PCDHGA8: variants seen among roughly 807,000 people sequenced by gnomAD.
The protein encoded by PCDHGA8 is protocadherin gamma subfamily A, 8.
PCDHGA8 carries 45 observed loss-of-function variants against 59.2 expected under a neutral mutation model. That is an observed-to-expected ratio of 0.76 (90% confidence interval 0.60 to 0.98). PCDHGA8 has a LOEUF of 0.98. PCDHGA8 is among the 50% of genes least tolerant of loss of function. PCDHGA8 has a pLI of 0.00. For missense variants in PCDHGA8, 1,257 were observed against 1,196.2 expected (o/e 1.05, Z -0.75); for synonymous variants, 531 against 519.0 (o/e 1.02, Z -0.32).
chr5:141,420,840 T>A (rs2096528017), intron 1 of PCDHGA8, among the ~76,000 whole-genome samples: 1 of 152,250 alleles, frequency 6.6e-6, no homozygotes, highest in African/African-American at 2.4e-5. Flanking sequence ...TCGCAGGTGT[T>A]CTTGGTAAAG....
chr5:141,427,294 A>G (rs1239553754), intron 1 of PCDHGA8: 6 of 456,876 alleles, frequency 1.3e-5, no homozygotes, highest in Non-Finnish European at 2.2e-5. Context: ...GAAATCCTAG[A>G]TGAGAATGAC....
At chr5:141,418,392 T>C (rs753094664) in intron 1 of PCDHGA8, 1 of 1,613,996 alleles carries the variant, frequency 6.2e-7, no homozygotes, top group Non-Finnish European at 8.5e-7. Context: ...AACGAGTATT[T>C]CTCATTGGTG....
At chr5:141,464,279 C>CAAA (rs373828487) in intron 1 of PCDHGA8, among the ~76,000 whole-genome samples, 8 of 137,748 alleles carry the variant, frequency 5.8e-5, no homozygotes, top group Admixed American at 1.5e-4. Flanking sequence ...AAAAAAAAAG[C>CAAA]AAAAAAAAAA....
At chr5:141,452,792 A>AT (rs745523252) in intron 1 of PCDHGA8, among the ~76,000 whole-genome samples, 15 of 152,178 alleles carry the variant, frequency 9.9e-5, no homozygotes, top group Admixed American at 2.0e-4. Context: ...ACATACCATC[A>AT]TTTTTGCTGT....
In PCDHGA8 at chr5:141,451,935, A is replaced by G. The variant is rs148815534; in HGVS notation, c.2425-42872A>G. Among the ~76,000 whole-genome samples, 120 of 152,282 alleles carry G rather than the reference A, an allele frequency of 7.9e-4. 5 individuals carry two copies. The East Asian group carries it at 0.017, about 21-fold the overall frequency. ...GAGGAAGGAAGGGAGGTAGGGAGGC[A>G]GGGAAAGACCGAGAAAGTGACATAC... On this transcript the variant is annotated intron_variant, in intron 1 of 3. Coordinates refer to ENST00000398604, the MANE Select transcript of PCDHGA8 (RefSeq NM_032088.2).
intron 1 of PCDHGA8, chr5:141,417,974 G>A: frequency 6.2e-7 from 1 of 1,613,856 alleles, no homozygotes. Flanking sequence ...CTCGATTCCG[G>A]AGGAGCTGGC....
intron 1 of PCDHGA8, chr5:141,415,215 C>A: frequency 6.2e-7 from 1 of 1,614,106 alleles, no homozygotes; most frequent in South Asian, 1.1e-5. Flanking sequence ...CGGACCTCGG[C>A]AGCTTCGAGT....
chr5:141,418,681 C>T (rs778899235), intron 1 of PCDHGA8: 2 of 1,614,052 alleles, frequency 1.2e-6, no homozygotes, highest in Non-Finnish European at 1.7e-6. Flanking sequence ...AGGGCATCAA[C>T]TCAGAGATCA....
intron 1 of PCDHGA8, chr5:141,400,093 C>G (rs1225718379): frequency 1.2e-6 from 2 of 1,614,094 alleles, no homozygotes; most frequent in Non-Finnish European, 1.7e-6. Context: ...CACCGCCACG[C>G]TGCACTTGGT....
At chr5:141,414,439 T>A in intron 1 of PCDHGA8, 1 of 1,613,874 alleles carries the variant, frequency 6.2e-7, no homozygotes, top group East Asian at 2.2e-5. Context: ...GGTATCCTCT[T>A]ACAATATCAC....
At chr5:141,425,745 G>A (rs776065455) in intron 1 of PCDHGA8, among the ~76,000 whole-genome samples, 26 of 152,100 alleles carry the variant, frequency 1.7e-4, no homozygotes, top group Non-Finnish European at 2.9e-4. Flanking sequence ...TTCCCACAAG[G>A]TTTTTGTTCT....
Position 141,490,867 on chromosome 5 carries a change from C to G in PCDHGA8, c.2425-3940C>G. ...GGGGGTTCGAGACTCCGGCTCTCCC[C>G]CATTGCATGCCAACACATCTCTGCA... On this transcript the variant is annotated intron_variant, in intron 1 of 3. Coordinates refer to ENST00000398604, the MANE Select transcript of PCDHGA8 (RefSeq NM_032088.2). This position sits in a 1 kb window ranked among gnomAD's most constrained non-coding sequence, Gnocchi z 5.4. 6.2e-7 allele frequency: 1 copy of G among 1,613,912 alleles called. No individual in the cohort carries two copies. The highest frequency in any genetic ancestry group is 8.5e-7 in the Non-Finnish European group (1 of 1,179,936).
intron 1 of PCDHGA8, chr5:141,398,938 G>A: frequency 6.2e-7 from 1 of 1,613,958 alleles, no homozygotes; most frequent in African/African-American, 1.3e-5. Context: ...TGACCAAGAC[G>A]AGGGCATCAA....
At chr5:141,510,887 G>C (rs2099883217) in intron 3 of PCDHGA8, 60 bp from the exon 4 acceptor site, 2 of 1,612,600 alleles carry the variant, frequency 1.2e-6, no homozygotes, top group East Asian at 4.5e-5. Context: ...GGGGATATAA[G>C]ACAGTGACTG....
At chr5:141,414,897 C>A (rs2095799678) in intron 1 of PCDHGA8, 7 of 1,614,230 alleles carry the variant, frequency 4.3e-6, no homozygotes, top group Non-Finnish European at 5.9e-6. Flanking sequence ...TCCCCACAGA[C>A]GGTTCCACAG....
intron 1 of PCDHGA8, chr5:141,428,729 A>T (rs1362138016): frequency 6.3e-6 from 1 of 159,768 alleles, no homozygotes; most frequent in East Asian, 1.8e-4. Flanking sequence ...AATCTTAAAC[A>T]TATTATATCT....
At chr5:141,428,245 C>A in intron 1 of PCDHGA8, 1 of 948,140 alleles carries the variant, frequency 1.1e-6, no homozygotes, top group South Asian at 1.4e-5. Flanking sequence ...GGAGGCACTG[C>A]CAGACTTCAG....
In PCDHGA8 at chr5:141,493,103, A is replaced by G. The variant is rs1396614836; in HGVS notation, c.2425-1704A>G. Among the ~76,000 whole-genome samples the G allele has an allele frequency of 6.6e-6, 1 of 152,086 alleles. No homozygotes were observed. The highest frequency in any genetic ancestry group is 1.5e-5 in the Non-Finnish European group (1 of 68,022). On this transcript the variant is annotated intron_variant, in intron 1 of 3. Transcript: ENST00000398604. The surrounding 1 kb of genome is among the most constrained non-coding windows in gnomAD (Gnocchi z 4.3). ...AGGAGCTTTTATTCAAAATATATCA[A>G]TGCCTAACTCTGCTCCTAGGACTGT...
chr5:141,404,758 T>C, intron 1 of PCDHGA8: 1 of 1,613,742 alleles, frequency 6.2e-7, no homozygotes, highest in Non-Finnish European at 8.5e-7. Flanking sequence ...GCCAGAATGC[T>C]TGGCTCTCCT....
Sources: allele counts gnomAD v4.1 joint callset (sites outside exome capture counted in the v4.1 genomes callset), GRCh38; gene constraint gnomAD v4.1.1; non-coding constraint Gnocchi (gnomAD v3.1); transcripts MANE v1.5; gene names NCBI Gene and HGNC (gene_info 2026-07-23, HGNC 2026-07-21).